Variants in RPTOR observed in about 807,000 individuals in gnomAD.
RPTOR encodes the protein regulatory-associated protein of mTOR.
A neutral mutation model predicts 169.9 loss-of-function variants in RPTOR; 21 were observed. The observed-to-expected ratio is 0.12, with a 90% CI of 0.09 to 0.18. The LOEUF (loss-of-function observed/expected upper bound fraction) is 0.18. Ranked by LOEUF, RPTOR falls within the 10% of genes least tolerant of loss-of-function variation. The probability of loss-of-function intolerance (pLI) is 1.00; values close to 1 mark genes in which losing one functional copy is unlikely to be tolerated. For missense variants in RPTOR, 1,133 were observed against 1,855.9 expected (o/e 0.61, Z 7.16); for synonymous variants, 732 against 753.2 (o/e 0.97, Z 0.46).
At chr17:80,568,404 C>G (rs2064868756) in intron 1 of RPTOR, among the ~76,000 whole-genome samples, 2 of 152,182 alleles carry the variant, frequency 1.3e-5, no homozygotes, top group Non-Finnish European at 1.5e-5. Flanking sequence ...GTTCTGTTGT[C>G]TCAGGCTTGT....
chr17:80,552,536 G>A (rs549573288), intron 1 of RPTOR, among the ~76,000 whole-genome samples: 2 of 152,182 alleles, frequency 1.3e-5, no homozygotes, highest in Non-Finnish European at 2.9e-5. Context: ...CATAAAGCAA[G>A]GACCTAGTCT....
chr17:80,617,807 C>A (rs1166250561), intron 1 of RPTOR, among the ~76,000 whole-genome samples: 1 of 152,190 alleles, frequency 6.6e-6, no homozygotes, highest in Non-Finnish European at 1.5e-5. Flanking sequence ...GGTGGGCTGA[C>A]TGGCTGCGCA....
chr17:80,857,331 T>C (rs2067863721), intron 12 of RPTOR, among the ~76,000 whole-genome samples: 1 of 152,192 alleles, frequency 6.6e-6, no homozygotes, highest in Non-Finnish European at 1.5e-5. Context: ...TTGAGCAAGC[T>C]GGCCGTGCCG....
rs1324639226 is a variant in RPTOR at position 80,964,498 on chromosome 17, T to G, written c.*168T>G. 2.3e-5 allele frequency: 15 copies of G among 659,378 alleles called. No homozygotes were observed. Among genetic ancestry groups the G allele is most frequent in the Non-Finnish European group, 3.4e-5 (13 of 377,636 alleles). 40.8% of individuals were successfully genotyped at this position (659,378 alleles called of 1,614,324 possible). On this transcript the variant is annotated 3_prime_UTR_variant, in exon 34 of 34. Coordinates refer to ENST00000306801, the MANE Select transcript of RPTOR (RefSeq NM_020761.3). ...CCCTGCTACTCGCTTTTGTCTGTCT[T>G]CGCTGTCGTGTCTGGAATGTCAGGG...
chr17:80,672,746 C>T (rs1479469353), intron 3 of RPTOR, among the ~76,000 whole-genome samples: 3 of 151,824 alleles, frequency 2.0e-5, no homozygotes, highest in Non-Finnish European at 4.4e-5. Context: ...GCCGAGATCG[C>T]GTCACTGCAC....
intron 5 of RPTOR, among the ~76,000 whole-genome samples, chr17:80,733,269 C>T (rs1342599222): frequency 2.6e-5 from 4 of 152,156 alleles, no homozygotes; most frequent in African/African-American, 9.7e-5. Context: ...AGTAATCCTT[C>T]TTATATTTTT....
chr17:80,911,429 A>G (rs779858694), intron 21 of RPTOR, among the ~76,000 whole-genome samples: 1 of 152,222 alleles, frequency 6.6e-6, no homozygotes. Context: ...ATTATGCGGT[A>G]AGAAAACTAA....
intron 3 of RPTOR, among the ~76,000 whole-genome samples, chr17:80,661,010 C>T (rs12939076): frequency 6.6e-6 from 1 of 152,058 alleles, no homozygotes; most frequent in African/African-American, 2.4e-5. Flanking sequence ...GCGTTTCCTT[C>T]TCTTGGGCCT....
intron 5 of RPTOR, chr17:80,743,255 A>G: frequency 1.0e-6 from 1 of 985,462 alleles, no homozygotes; most frequent in Non-Finnish European, 1.2e-6. Flanking sequence ...GCAGAAACAC[A>G]GCAGCTGATG....
At chr17:80,916,535 C>T (rs1227022092) in intron 21 of RPTOR, among the ~76,000 whole-genome samples, 2 of 152,244 alleles carry the variant, frequency 1.3e-5, no homozygotes, top group Non-Finnish European at 2.9e-5. Context: ...GCAGTGTGAG[C>T]CAAGCGCAGC....
chr17:80,895,531 C>T (rs1187323140), intron 20 of RPTOR, among the ~76,000 whole-genome samples: 1 of 152,260 alleles, frequency 6.6e-6, no homozygotes, highest in Non-Finnish European at 1.5e-5. Flanking sequence ...ACCCTGTCCA[C>T]ACCCAGTGCC....
chr17:80,665,346 TCC>T (rs1567845916), intron 3 of RPTOR, among the ~76,000 whole-genome samples: 1 of 6,974 alleles, frequency 1.4e-4, no homozygotes, highest in African/African-American at 4.8e-4. Context: ...TCCTTTCCTT[TCC>T]TTTCCTTTCC....
chr17:80,667,745 A>G (rs1319328249), intron 3 of RPTOR, among the ~76,000 whole-genome samples: 1 of 152,212 alleles, frequency 6.6e-6, no homozygotes, highest in Non-Finnish European at 1.5e-5. Flanking sequence ...TTTGCTTGAT[A>G]CTAACTGCAG....
rs765756124 is a variant in RPTOR, at chr17:80,964,279, A to G, written c.3957A>G (p.Gly1319=). Reference sequence around the variant, plus strand: ...CCTTGCAGCCTCACCTGGCCGTGGGAAGCAACGACTACTACATCTCCGTGT... The same window carrying G: ...CCTTGCAGCCTCACCTGGCCGTGGGGAGCAACGACTACTACATCTCCGTGT... The part of the protein sequence containing the change: ...FHPHWPHLAV[G]SNDYYISVYS... Residue 1319 remains glycine (G), a synonymous_variant, in exon 34 of 34, where the codon GGA becomes GGG. Transcript: ENST00000306801. 1.9e-6 allele frequency: 3 copies of G among 1,596,852 alleles called. No individual in the cohort carries two copies. The highest frequency in any genetic ancestry group is 1.7e-6 in the Non-Finnish European group (2 of 1,175,804).
At chr17:80,732,547 G>A (rs949688807) in intron 5 of RPTOR, among the ~76,000 whole-genome samples, 2 of 152,214 alleles carry the variant, frequency 1.3e-5, no homozygotes, top group African/African-American at 4.8e-5. Flanking sequence ...AAAGAGATCA[G>A]ATGAAAAATA....
rs150386406 is a variant in RPTOR, at chr17:80,744,115, T to C, written c.655-9895T>C. Among the ~76,000 whole-genome samples the C allele has an allele frequency of 3.6e-3, 181 of 50,322 alleles. 4 individuals are homozygous for C. Among genetic ancestry groups the C allele is most frequent in the East Asian group, 0.01 (13 of 1,282 alleles). The allele number at this position is 50,322 out of a possible 152,430, so 33.0% of individuals were successfully genotyped here. The stretch of plus-strand genomic sequence containing the variant: ...GCCCTGGTTACTAGCACAGCCCTGG[T>C]TACTAGCACAGCCCTGGCTACTAGC... On this transcript the variant is annotated intron_variant, in intron 5 of 33. Transcript: ENST00000306801.
intron 1 of RPTOR, among the ~76,000 whole-genome samples, chr17:80,581,652 A>G (rs1004522097): frequency 4.7e-5 from 7 of 149,622 alleles, no homozygotes; most frequent in Non-Finnish European, 8.8e-5. Flanking sequence ...CATGCCTGCT[A>G]TTCTCTGCAG....
intron 10 of RPTOR, among the ~76,000 whole-genome samples, chr17:80,842,521 T>G (rs2067682713): frequency 6.6e-6 from 1 of 152,228 alleles, no homozygotes; most frequent in Non-Finnish European, 1.5e-5. Context: ...GCAAAGTGGC[T>G]GAGTCAGTTT....
At chr17:80,841,928 ACT>A (rs1319665479) in intron 10 of RPTOR, among the ~76,000 whole-genome samples, 71 of 64,622 alleles carry the variant, frequency 1.1e-3, no homozygotes, top group Non-Finnish European at 1.2e-3. Flanking sequence ...GGCAGCTCAC[ACT>A]CACCGCACGG....
Sources: gnomAD v4.1 joint callset for allele counts (sites outside exome capture counted in the v4.1 genomes callset) on GRCh38, gnomAD v4.1.1 for gene constraint, MANE v1.5 for transcripts, NCBI Gene and HGNC (gene_info 2026-07-23, HGNC 2026-07-21) for gene names.